The following TXNRD1 variants were observed in gnomAD, a reference collection of about 807,000 sequenced individuals.
The protein encoded by TXNRD1 is thioredoxin reductase 1, cytoplasmic.
TXNRD1 carries 57 observed loss-of-function variants against 80.3 expected under a neutral mutation model. The observed-to-expected ratio is 0.71, with a 90% CI of 0.57 to 0.89. The LOEUF (loss-of-function observed/expected upper bound fraction) is 0.89, where lower values mean the gene tolerates loss of function less well. TXNRD1 is among the 40% of genes least tolerant of loss of function. The pLI is 0.00. For missense variants in TXNRD1, 730 were observed against 803.0 expected, an observed-to-expected ratio of 0.91 and a Z score of 1.10; for synonymous variants, 291 against 285.2, an observed-to-expected ratio of 1.02 and a Z score of -0.20.
chr12:104,347,669 C>T (rs1565919933), intron 16 of TXNRD1, among the ~76,000 whole-genome samples: 1 of 152,108 alleles, frequency 6.6e-6, no homozygotes. Flanking sequence ...CTTGGATGGC[C>T]AGCAGAAGGA....
intron 3 of TXNRD1, chr12:104,283,101 CAA>C (rs1426510143): frequency 6.6e-6 from 1 of 152,154 alleles, no homozygotes; most frequent in Non-Finnish European, 1.5e-5. Flanking sequence ...AGGCTAACTT[CAA>C]GAGTGATGTT....
chr12:104,331,782 C>G, intron 14 of TXNRD1, 141 bp downstream of exon 14: 2 of 573,726 alleles, frequency 3.5e-6, no homozygotes, highest in Non-Finnish European at 6.2e-6. Context: ...TAACATTGTG[C>G]CAATTTATTT....
chr12:104,265,993 A>T (rs983930450), intron 3 of TXNRD1, among the ~76,000 whole-genome samples: 14 of 151,994 alleles, frequency 9.2e-5, no homozygotes, highest in African/African-American at 3.4e-4. Flanking sequence ...ATAGGTTTTT[A>T]AAAATCATTA....
intron 1 of TXNRD1, among the ~76,000 whole-genome samples, chr12:104,239,733 T>C (rs12307391): frequency 0.19 from 28,381 of 152,038 alleles, 2,955 homozygotes; most frequent in African/African-American, 0.28. Flanking sequence ...TCCACCCACC[T>C]TGGCCTCCCA....
chr12:104,316,528 T>A (rs909476501), intron 7 of TXNRD1, among the ~76,000 whole-genome samples: 19 of 152,208 alleles, frequency 1.2e-4, no homozygotes. Context: ...TAGCTGGGAT[T>A]ACGGGCGCCT....
At chr12:104,271,226 C>G (rs1370851210) in intron 3 of TXNRD1, among the ~76,000 whole-genome samples, 1 of 147,626 alleles carries the variant, frequency 6.8e-6, no homozygotes, top group African/African-American at 2.5e-5. Context: ...CGCTCTGTCG[C>G]CCAGGCTAGA....
In TXNRD1 at chr12:104,256,748, C is replaced by A. The variant is rs530389354; in HGVS notation, c.244-1271C>A. ...TGAGCCGAGATAGTGCCACTGCACT[C>A]CACTGGTGACAAAGTGAGACTCTGT... On this transcript the variant is annotated intron_variant, in intron 2 of 16. Coordinates refer to ENST00000525566, the MANE Select transcript of TXNRD1 (RefSeq NM_001093771.3). Among the ~76,000 whole-genome samples, 35 of 142,312 alleles carry A rather than the reference C, an allele frequency of 2.5e-4. 1 individual carries two copies. The South Asian group carries it at 7.5e-3, about 30-fold the overall frequency. The allele number at this position is 142,312 out of a possible 152,430, so 93.4% of individuals were successfully genotyped here.
intron 3 of TXNRD1, among the ~76,000 whole-genome samples, chr12:104,278,960 A>G (rs2033821376): frequency 6.6e-6 from 1 of 152,206 alleles, no homozygotes; most frequent in Non-Finnish European, 1.5e-5. Context: ...ATCTCTCAAC[A>G]ATTATTTATT....
chr12:104,336,100 A>C (rs2036131767), intron 15 of TXNRD1, among the ~76,000 whole-genome samples: 1 of 152,222 alleles, frequency 6.6e-6, no homozygotes, highest in South Asian at 2.1e-4. Flanking sequence ...AATGTCAGCC[A>C]TTCTCACTGG....
chr12:104,281,464 TG>T (rs1194339709), intron 3 of TXNRD1, among the ~76,000 whole-genome samples: 1 of 136,894 alleles, frequency 7.3e-6, no homozygotes, highest in African/African-American at 2.8e-5. Flanking sequence ...TGGAGTGCAG[TG>T]GTGGGATCTC....
Position 104,330,740 on chromosome 12 carries a change from C to T in TXNRD1, c.1543-794C>T, listed in dbSNP as rs1254597552. On this transcript the variant is annotated intron_variant, in intron 13 of 16. Transcript: ENST00000525566. ...TAGCTGAGATTACAGGCGCCTGCCA[C>T]CACGCCCAGCTAATTTTTGTATTTT... is the stretch of plus-strand genomic sequence containing the variant. 2.0e-5 allele frequency among the ~76,000 whole-genome samples: 3 copies of T among 152,202 alleles called. No individual in the cohort carries two copies. In the East Asian group the frequency reaches 5.8e-4, roughly 29 times the overall value.
At chr12:104,344,732 C>T (rs1757898915) in intron 16 of TXNRD1, among the ~76,000 whole-genome samples, 1 of 152,156 alleles carries the variant, frequency 6.6e-6, no homozygotes, top group African/African-American at 2.4e-5. Flanking sequence ...TCTCCTTCTC[C>T]CAACCCTTAC....
At chr12:104,268,181 CTT>C (rs1284845284) in intron 3 of TXNRD1, among the ~76,000 whole-genome samples, 1 of 129,816 alleles carries the variant, frequency 7.7e-6, no homozygotes, top group African/African-American at 2.8e-5. Flanking sequence ...CTGTCTCTCT[CTT>C]TCTTTCTTTT....
chr12:104,300,398 G>C (rs1350917064), intron 4 of TXNRD1, among the ~76,000 whole-genome samples: 1 of 152,208 alleles, frequency 6.6e-6, no homozygotes, highest in Non-Finnish European at 1.5e-5. Context: ...TCTATACTGC[G>C]GGAATAAGGT....
chr12:104,218,154 A>G (rs572962170), intron 1 of TXNRD1, among the ~76,000 whole-genome samples: 1 of 151,838 alleles, frequency 6.6e-6, no homozygotes, highest in South Asian at 2.1e-4. Flanking sequence ...CAGTCTCCCA[A>G]ATAGCTGGGA....
chr12:104,328,692 G>A (rs998091765), intron 13 of TXNRD1, among the ~76,000 whole-genome samples: 2 of 151,012 alleles, frequency 1.3e-5, no homozygotes, highest in African/African-American at 4.9e-5. Context: ...CCGGGAGGCG[G>A]AGCTTGCCGT....
chr12:104,245,759 T>C (rs2032971327), intron 1 of TXNRD1, among the ~76,000 whole-genome samples: 2 of 152,108 alleles, frequency 1.3e-5, no homozygotes, highest in South Asian at 2.1e-4. Flanking sequence ...CCCTGTGGAC[T>C]CACTTCAGTG....
At chr12:104,330,741 C>T (rs892454508) in intron 13 of TXNRD1, among the ~76,000 whole-genome samples, 1 of 152,112 alleles carries the variant, frequency 6.6e-6, no homozygotes, top group Non-Finnish European at 1.5e-5. Flanking sequence ...CGCCTGCCAC[C>T]ACGCCCAGCT....
At chr12:104,319,188 T>C (rs1323434745) in intron 8 of TXNRD1, 133 bp downstream of exon 8, 5 of 1,151,596 alleles carry the variant, frequency 4.3e-6, no homozygotes, top group Non-Finnish European at 6.0e-6. Context: ...TTGGTGATTT[T>C]GCTATCATAT....
Sources: gnomAD v4.1 joint callset for allele counts (sites outside exome capture counted in the v4.1 genomes callset) on GRCh38, gnomAD v4.1.1 for gene constraint, MANE v1.5 for transcripts, NCBI Gene and HGNC (gene_info 2026-07-23, HGNC 2026-07-21) for gene names.